TNFRSF13B: variants seen among roughly 807,000 people sequenced by gnomAD.
The protein encoded by TNFRSF13B is tumor necrosis factor receptor superfamily member 13B.
Under a neutral mutation model 24.0 loss-of-function variants are expected in TNFRSF13B, and 34 were observed. The observed-to-expected ratio is 1.41, with a 90% CI of 1.08 to 1.88. The LOEUF is 1.88. Among genes scored for constraint, TNFRSF13B ranks in the 40% most tolerant of loss-of-function variants. TNFRSF13B has a pLI of 0.00. For missense variants in TNFRSF13B, 415 were observed against 380.8 expected (o/e 1.09, Z -0.75); for synonymous variants, 173 against 150.3 (o/e 1.15, Z -1.10).
rs984873560 is a variant in TNFRSF13B at position 16,939,229 on chromosome 17, C to T, written c.*318G>A. ...CTGGGAACTGGGACTCAGAGTGCCC[C>T]GACCTCCTGCTCTATCTCTCTCTGT... On this transcript the variant is annotated 3_prime_UTR_variant, in exon 5 of 5. Coordinates refer to ENST00000261652, the MANE Select transcript of TNFRSF13B (RefSeq NM_012452.3). 2.0e-5 allele frequency: 6 copies of T among 292,750 alleles called. No homozygotes were observed. In the South Asian group the frequency reaches 2.8e-4, roughly 13 times the overall value. The allele number at this position is 292,750 out of a possible 1,614,324, so 18.1% of individuals were successfully genotyped here.
At chr17:16,956,329 C>G (rs928760617) in intron 1 of TNFRSF13B, among the ~76,000 whole-genome samples, 2 of 152,186 alleles carry the variant, frequency 1.3e-5, no homozygotes, top group East Asian at 1.9e-4. Context: ...CAACGTAACA[C>G]TCAAAATGTC....
chr17:16,963,456 A>G (rs1210734536), intron 1 of TNFRSF13B, among the ~76,000 whole-genome samples: 2 of 152,234 alleles, frequency 1.3e-5, no homozygotes, highest in Non-Finnish European at 2.9e-5. Context: ...AATTTCACCA[A>G]GAAAACCTGT....
chr17:16,942,667 A>T (rs1390681388), intron 3 of TNFRSF13B, among the ~76,000 whole-genome samples: 4 of 152,234 alleles, frequency 2.6e-5, no homozygotes, highest in African/African-American at 9.6e-5. Context: ...CAGCCCTCAG[A>T]GCACAGACAG....
chr17:16,967,011 G>A (rs1359793236), intron 1 of TNFRSF13B, among the ~76,000 whole-genome samples: 2 of 151,640 alleles, frequency 1.3e-5, no homozygotes, highest in African/African-American at 4.8e-5. Context: ...GCTAATTTTT[G>A]TATTTTTAGT....
Position 16,939,742 on chromosome 17 carries a change from G to T in TNFRSF13B, c.687C>A (p.Thr229=), listed in dbSNP as rs781245217. 6.2e-7 allele frequency: 1 copy of T among 1,608,814 alleles called. No homozygotes were observed. Among genetic ancestry groups the T allele is most frequent in the Non-Finnish European group, 8.5e-7 (1 of 1,176,688 alleles). The change falls in exon 5 of 5, where the codon ACC becomes ACA. Residue 229 remains threonine, a synonymous_variant. Transcript: ENST00000261652. ...TGCACTCAGGGAAGCAGAAGCTGCA[G>T]GTCTCCACTGGCTCGGGGGATGTGC... is the stretch of plus-strand genomic sequence containing the variant. ...PVSTSPEPVE[T]CSFCFPECRA...
At chr17:16,941,546 G>C (rs980766047) in intron 3 of TNFRSF13B, 1 of 987,428 alleles carries the variant, frequency 1.0e-6, no homozygotes, top group African/African-American at 1.7e-5. Flanking sequence ...ACTTCGTGCC[G>C]GGCACTTCCC....
chr17:16,958,532 T>C (rs2087639930), intron 1 of TNFRSF13B, among the ~76,000 whole-genome samples: 1 of 152,000 alleles, frequency 6.6e-6, no homozygotes. Flanking sequence ...ACTTTTTGCG[T>C]GGTTTGTAAC....
At chr17:16,960,120 G>A (rs1002410798) in intron 1 of TNFRSF13B, among the ~76,000 whole-genome samples, 2 of 151,822 alleles carry the variant, frequency 1.3e-5, no homozygotes, top group Non-Finnish European at 2.9e-5. Flanking sequence ...GGAGTGCAAT[G>A]GTAGTTCCAC....
At chr17:16,959,468 A>G (rs1445029343) in intron 1 of TNFRSF13B, among the ~76,000 whole-genome samples, 1 of 152,032 alleles carries the variant, frequency 6.6e-6, no homozygotes. Flanking sequence ...AGAAGGAAAG[A>G]AATAATGAAT....
chr17:16,968,636 C>A (rs1465752812), intron 1 of TNFRSF13B, among the ~76,000 whole-genome samples: 1 of 152,182 alleles, frequency 6.6e-6, no homozygotes, highest in Non-Finnish European at 1.5e-5. Context: ...AGTAAATCTT[C>A]ATGATTTGAG....
intron 1 of TNFRSF13B, among the ~76,000 whole-genome samples, chr17:16,967,245 T>C (rs2087707981): frequency 6.6e-6 from 1 of 152,168 alleles, no homozygotes; most frequent in African/African-American, 2.4e-5. Flanking sequence ...GATTGTTCTG[T>C]AGCTATCAAC....
At chr17:16,941,418 G>A (rs1304890694) in intron 3 of TNFRSF13B, 1 of 987,512 alleles carries the variant, frequency 1.0e-6, no homozygotes, top group Admixed American at 6.1e-5. Context: ...CCCTCCCCTT[G>A]GAAGTTCTCC....
chr17:16,968,141 C>CAAAA (rs1455676355), intron 1 of TNFRSF13B, among the ~76,000 whole-genome samples: 4 of 31,580 alleles, frequency 1.3e-4, no homozygotes, highest in African/African-American at 5.5e-4. Context: ...AACCCTGTCT[C>CAAAA]AAAAAAAAAA....
rs922685521 is a variant in TNFRSF13B, at chr17:16,939,649, C to T, written c.780G>A (p.Gly260=). The T allele has an allele frequency of 1.7e-5, 27 of 1,612,474 alleles. 1 individual carries two copies. The Admixed American group carries it at 3.3e-4, about 20-fold the overall frequency. The change falls in exon 5 of 5, where the codon GGG becomes GGA. Residue 260 remains glycine (G), a synonymous_variant. Transcript: ENST00000261652. ...TPDPTCAGRW[G]CHTRTTVLQP... ...GCAGGACTGTGGTCCTGGTGTGGCACCCCCACCTTCCAGCACAAGTGGGGT... is the reference window on the plus strand; with the variant it reads ...GCAGGACTGTGGTCCTGGTGTGGCATCCCCACCTTCCAGCACAAGTGGGGT...
intron 1 of TNFRSF13B, among the ~76,000 whole-genome samples, chr17:16,956,998 G>A (rs1338969708): frequency 7.9e-5 from 12 of 152,040 alleles, no homozygotes; most frequent in South Asian, 6.2e-4. Flanking sequence ...TAATGTAAAC[G>A]TCGGACTTTA....
Position 16,948,992 on chromosome 17 carries a change from G to C in TNFRSF13B, c.200-9C>G. 2 of 1,613,934 alleles carry C rather than the reference G, an allele frequency of 1.2e-6. No homozygotes were observed. Among genetic ancestry groups the C allele is most frequent in the Non-Finnish European group, 1.7e-6 (2 of 1,179,996 alleles). ...GCGGCAGCTGAGTGACCCTGGGAGA[G>C]AGAAATTCATGATACTGCTGGGTGA... On this transcript the variant is annotated splice_polypyrimidine_tract_variant and intron_variant, in intron 2 of 4. Transcript: ENST00000261652.
At chr17:16,954,804 C>G (rs959383335) in intron 1 of TNFRSF13B, among the ~76,000 whole-genome samples, 2 of 152,196 alleles carry the variant, frequency 1.3e-5, no homozygotes, top group Non-Finnish European at 2.9e-5. Flanking sequence ...GTGCCAGTCC[C>G]TCACCCACCC....
intron 1 of TNFRSF13B, among the ~76,000 whole-genome samples, chr17:16,960,081 T>C (rs1315644362): frequency 6.6e-6 from 1 of 152,300 alleles, no homozygotes; most frequent in African/African-American, 2.4e-5. Context: ...GAAAAGTTTA[T>C]TCACCATAAC....
intron 1 of TNFRSF13B, among the ~76,000 whole-genome samples, chr17:16,967,586 AAT>A (rs1597669830): frequency 6.6e-6 from 1 of 151,186 alleles, no homozygotes; most frequent in Admixed American, 6.6e-5. Flanking sequence ...CTCTACTAAA[AAT>A]ATATAAAAAA....
Sources: gnomAD v4.1 joint callset for allele counts (sites outside exome capture counted in the v4.1 genomes callset) on GRCh38, gnomAD v4.1.1 for gene constraint, MANE v1.5 for transcripts, NCBI Gene and HGNC (gene_info 2026-07-23, HGNC 2026-07-21) for gene names.